Variants in GABPB2 observed in about 807,000 individuals in gnomAD.
The protein encoded by GABPB2 is GA-binding protein subunit beta-2.
A neutral mutation model predicts 39.1 loss-of-function variants in GABPB2; 23 were observed. The observed-to-expected ratio is 0.59, with a 90% CI of 0.42 to 0.83. GABPB2 has a LOEUF of 0.83. Among genes scored for constraint, GABPB2 ranks in the 40% least tolerant of loss-of-function variants. The pLI is 0.00. For missense variants in GABPB2, 467 were observed against 541.1 expected (o/e 0.86, Z 1.36); for synonymous variants, 184 against 199.3 (o/e 0.92, Z 0.65).
At chr1:151,075,287 G>C (rs748391488) in intron 1 of GABPB2, among the ~76,000 whole-genome samples, 1 of 151,110 alleles carries the variant, frequency 6.6e-6, no homozygotes, top group East Asian at 2.0e-4. Context: ...AAAATTGGCC[G>C]GGCACGGTGG....
At chr1:151,074,730 C>T (rs1408385538) in intron 1 of GABPB2, among the ~76,000 whole-genome samples, 1 of 152,152 alleles carries the variant, frequency 6.6e-6, no homozygotes, top group Non-Finnish European at 1.5e-5. Flanking sequence ...CCAGAGGTCA[C>T]TCTTGTCCTC....
chr1:151,080,511 CTAAA>C (rs34274763), intron 1 of GABPB2, among the ~76,000 whole-genome samples: 10,990 of 143,634 alleles, frequency 0.077, 672 homozygotes, highest in African/African-American at 0.17. Context: ...AACTCCATCT[CTAAA>C]TAAATAAATA....
chr1:151,091,420 TTG>T (rs1678688209), intron 3 of GABPB2, among the ~76,000 whole-genome samples: 1 of 149,424 alleles, frequency 6.7e-6, no homozygotes, highest in Admixed American at 6.7e-5. Flanking sequence ...TTTTTTTTTT[TTG>T]AGATGAACTC....
chr1:151,082,440 C>T (rs1337310006), intron 1 of GABPB2, among the ~76,000 whole-genome samples: 4 of 119,842 alleles, frequency 3.3e-5, no homozygotes, highest in South Asian at 2.8e-4. Context: ...CTTGCTCTGT[C>T]GCCCAGGCTG....
At chr1:151,085,170 G>A (rs1029081974) in intron 1 of GABPB2, among the ~76,000 whole-genome samples, 4 of 151,606 alleles carry the variant, frequency 2.6e-5, no homozygotes, top group African/African-American at 9.7e-5. Context: ...GGCCGAGGCA[G>A]GCAGATCATC....
Position 151,093,270 on chromosome 1 carries a change from G to A in GABPB2, c.355G>A (p.Val119Ile), listed in dbSNP as rs1262156915. Residue 119 changes from valine (V) to isoleucine (I), a missense_variant, in exon 4 of 9, where the codon GTC becomes ATC. Coordinates refer to ENST00000368918, the MANE Select transcript of GABPB2 (RefSeq NM_144618.3). ...HWATERHHRD[V>I]VELLIKYGAD... The stretch of plus-strand genomic sequence containing the variant: ...GGCCACAGAGCGCCACCATCGAGAT[G>A]TCGTAGAGTTACTTATCAAATATGG... The A allele has an allele frequency of 6.2e-7, 1 of 1,613,248 alleles. No homozygotes were observed. Among genetic ancestry groups the A allele is most frequent in the East Asian group, 2.2e-5 (1 of 44,832 alleles).
chr1:151,107,081 A>G lies in GABPB2; in HGVS notation c.781A>G (p.Ile261Val). ...AGAAGGAAATTCCGTTGACTCATCA[A>G]TCCAGCAAGTAATGGGGAGTGGAGG... Reference protein sequence around the residue: ...IIEGNSVDSSIQQVMGSGGQR... With the variant: ...IIEGNSVDSSVQQVMGSGGQR... The change falls in exon 7 of 9, where the codon ATC (isoleucine) becomes GTC (valine). Residue 261 changes from isoleucine to valine, a missense_variant. Coordinates refer to ENST00000368918, the MANE Select transcript of GABPB2 (RefSeq NM_144618.3). 6 of 1,612,582 alleles carry G rather than the reference A, an allele frequency of 3.7e-6. No individual in the cohort carries two copies. Among genetic ancestry groups the G allele is most frequent in the South Asian group, 3.3e-5 (3 of 90,784 alleles).
chr1:151,103,390 A>G (rs1279991582), intron 5 of GABPB2, among the ~76,000 whole-genome samples, 172 bp from the exon 6 acceptor site: 1 of 152,116 alleles, frequency 6.6e-6, no homozygotes, highest in Non-Finnish European at 1.5e-5. Flanking sequence ...AAAACTTTTT[A>G]AACCTTAAAA....
At chr1:151,116,605 TTTTG>T (rs906909612) in intron 7 of GABPB2, among the ~76,000 whole-genome samples, 14 of 152,084 alleles carry the variant, frequency 9.2e-5, no homozygotes, top group African/African-American at 2.9e-4. Flanking sequence ...CTGCAGTTTT[TTTTG>T]TTTGTTTGTT....
At chr1:151,106,733 CA>C (rs1558153357) in intron 6 of GABPB2, among the ~76,000 whole-genome samples, 1 of 152,066 alleles carries the variant, frequency 6.6e-6, no homozygotes, top group Non-Finnish European at 1.5e-5. Context: ...TCCTACAAAA[CA>C]AAAAAGTTTA....
intron 1 of GABPB2, among the ~76,000 whole-genome samples, chr1:151,085,251 G>A (rs1225641537): frequency 6.6e-6 from 1 of 151,956 alleles, no homozygotes; most frequent in Non-Finnish European, 1.5e-5. Context: ...AAAAAAATTA[G>A]CTGGGCATGG....
intron 5 of GABPB2, among the ~76,000 whole-genome samples, chr1:151,102,020 C>G (rs900352634): frequency 6.6e-6 from 1 of 152,086 alleles, no homozygotes; most frequent in Non-Finnish European, 1.5e-5. Context: ...TGAACAAAGT[C>G]TTTTTAAAAG....
At chr1:151,116,687 G>A (rs764417967) in intron 7 of GABPB2, among the ~76,000 whole-genome samples, 10 of 151,814 alleles carry the variant, frequency 6.6e-5, no homozygotes. Flanking sequence ...GGCTCACTAC[G>A]GCCTCAACTT....
intron 1 of GABPB2, among the ~76,000 whole-genome samples, chr1:151,073,350 C>T (rs1676878873): frequency 6.6e-6 from 1 of 152,124 alleles, no homozygotes; most frequent in African/African-American, 2.4e-5. Flanking sequence ...TTTGTTTCCT[C>T]AGTTTATGTA....
intron 6 of GABPB2, among the ~76,000 whole-genome samples, chr1:151,106,305 A>G (rs1414291156): frequency 6.6e-6 from 1 of 151,012 alleles, no homozygotes; most frequent in Non-Finnish European, 1.5e-5. Context: ...AAGGGTTCCA[A>G]TATCAAATAT....
intron 1 of GABPB2, among the ~76,000 whole-genome samples, chr1:151,075,707 TCAAAAAAACCCCCCC>T (rs1158459957): frequency 1.4e-5 from 2 of 146,422 alleles, no homozygotes; most frequent in Non-Finnish European, 3.0e-5. Flanking sequence ...AGACTTCATC[TCAAAAAAACCCCCCC>T]CAAAAAAACC....
intron 7 of GABPB2, among the ~76,000 whole-genome samples, chr1:151,109,760 C>G (rs7539897): frequency 6.6e-6 from 1 of 151,862 alleles, no homozygotes; most frequent in Non-Finnish European, 1.5e-5. Flanking sequence ...ACTGCAGCCT[C>G]GACTTCCCAA....
chr1:151,114,689 C>T (rs1217122506), intron 7 of GABPB2, among the ~76,000 whole-genome samples: 3 of 149,956 alleles, frequency 2.0e-5, no homozygotes, highest in Non-Finnish European at 4.4e-5. Context: ...GAGCGAGACT[C>T]TGTCTCAAAA....
chr1:151,099,050 C>CTCCA (rs1679317129), intron 5 of GABPB2, among the ~76,000 whole-genome samples: 1 of 143,632 alleles, frequency 7.0e-6, no homozygotes, highest in South Asian at 2.2e-4. Context: ...CGCCATTGCG[C>CTCCA]TCCAGCCTGG....
Sources: allele counts gnomAD v4.1 joint callset (sites outside exome capture counted in the v4.1 genomes callset), GRCh38; gene constraint gnomAD v4.1.1; transcripts MANE v1.5; gene names NCBI Gene and HGNC (gene_info 2026-07-23, HGNC 2026-07-21).